The following PRKG1 variants were observed in gnomAD, a reference collection of about 807,000 sequenced individuals.
PRKG1 encodes the protein protein kinase cGMP-dependent 1.
PRKG1 carries 35 observed loss-of-function variants against 88.1 expected under a neutral mutation model. That is an observed-to-expected ratio of 0.40 (90% CI 0.30 to 0.53). PRKG1 has a LOEUF of 0.53. PRKG1 is among the 20% of genes least tolerant of loss of function. The pLI, the probability that PRKG1 is intolerant of heterozygous loss-of-function variation, is 0.59. For missense variants in PRKG1, 540 were observed against 839.8 expected (o/e 0.64, Z 4.41); for synonymous variants, 303 against 292.5 (o/e 1.04, Z -0.37).
At chr10:51,545,938 T>C (rs1275532493) in intron 3 of PRKG1, among the ~76,000 whole-genome samples, 1 of 150,682 alleles carries the variant, frequency 6.6e-6, no homozygotes, top group Non-Finnish European at 1.5e-5. Context: ...TTCTCTGAAC[T>C]AGCTTTAGCT....
intron 1 of PRKG1, among the ~76,000 whole-genome samples, chr10:51,130,328 T>C (rs1478249279): frequency 6.6e-6 from 1 of 152,168 alleles, no homozygotes; most frequent in Non-Finnish European, 1.5e-5. Flanking sequence ...GCAAGCAATC[T>C]GTCTCTCTGA....
chr10:51,095,904 C>A (rs2131872656), intron 1 of PRKG1, among the ~76,000 whole-genome samples: 2 of 152,188 alleles, frequency 1.3e-5, no homozygotes, highest in Non-Finnish European at 2.9e-5. Context: ...GGACTTTTGG[C>A]AGGCTAAAAG....
intron 3 of PRKG1, among the ~76,000 whole-genome samples, chr10:51,675,321 A>G (rs776162463): frequency 2.0e-5 from 3 of 152,220 alleles, no homozygotes; most frequent in Non-Finnish European, 4.4e-5. Flanking sequence ...CTGGCACAGC[A>G]GGAATGTGTG....
At chr10:51,003,435 C>T (rs539137297) in intron 1 of PRKG1, among the ~76,000 whole-genome samples, 1 of 152,298 alleles carries the variant, frequency 6.6e-6, no homozygotes, top group South Asian at 2.1e-4. Context: ...GCTGTGGAAT[C>T]TCTGGGCTTC....
chr10:51,993,101 A>G (rs1844353939), intron 5 of PRKG1, among the ~76,000 whole-genome samples: 1 of 152,222 alleles, frequency 6.6e-6, no homozygotes, highest in South Asian at 2.1e-4. Context: ...CTGTTATGAG[A>G]AAAAATGTTA....
intron 3 of PRKG1, among the ~76,000 whole-genome samples, chr10:51,768,020 T>G (rs111502252): frequency 6.8e-5 from 10 of 146,742 alleles, no homozygotes; most frequent in Non-Finnish European, 3.0e-5. Context: ...AAAAAAAAAA[T>G]AAATAAATAA....
chr10:52,015,902 G>A (rs1412223187), intron 5 of PRKG1, among the ~76,000 whole-genome samples: 1 of 152,174 alleles, frequency 6.6e-6, no homozygotes, highest in African/African-American at 2.4e-5. Flanking sequence ...TTATGCTTCA[G>A]TTCCCAATAA....
chr10:51,222,244 C>T (rs537324305), intron 2 of PRKG1, among the ~76,000 whole-genome samples: 2 of 151,684 alleles, frequency 1.3e-5, no homozygotes, highest in African/African-American at 4.8e-5. Context: ...GGAACTGTTC[C>T]TCCCACCTTC....
intron 3 of PRKG1, among the ~76,000 whole-genome samples, chr10:51,480,138 G>A (rs1203436792): frequency 1.3e-5 from 2 of 151,928 alleles, no homozygotes; most frequent in South Asian, 2.1e-4. Context: ...ATGGCATTTG[G>A]GTGAGCATAT....
At chr10:52,062,769 CATTTTT>C (rs1846268064) in intron 7 of PRKG1, 138 bp downstream of exon 7, 2 of 745,506 alleles carry the variant, frequency 2.7e-6, no homozygotes, top group Non-Finnish European at 4.9e-6. Context: ...ATGATAAATA[CATTTTT>C]ATTTATTTTC....
At chr10:51,974,670 C>T (rs12243731) in intron 5 of PRKG1, among the ~76,000 whole-genome samples, 32,159 of 152,078 alleles carry the variant, frequency 0.21, 3,998 homozygotes, top group Non-Finnish European at 0.28. Flanking sequence ...TTAATCCTAA[C>T]CATATTTTAA....
At chr10:51,329,338 A>G (rs1341359441) in intron 2 of PRKG1, among the ~76,000 whole-genome samples, 1 of 152,122 alleles carries the variant, frequency 6.6e-6, no homozygotes, top group African/African-American at 2.4e-5. Flanking sequence ...TTGCCCTTAT[A>G]TACTCTTGGT....
At chr10:51,762,260 G>A (rs970484187) in intron 3 of PRKG1, among the ~76,000 whole-genome samples, 7 of 152,088 alleles carry the variant, frequency 4.6e-5, no homozygotes, top group Admixed American at 2.6e-4. Context: ...CACCTACAAG[G>A]TCTGGGATTA....
intron 7 of PRKG1, among the ~76,000 whole-genome samples, chr10:52,113,360 A>G (rs563508723): frequency 6.6e-6 from 1 of 152,222 alleles, no homozygotes; most frequent in Non-Finnish European, 1.5e-5. Flanking sequence ...GACACAGTAA[A>G]TGGATGAATG....
intron 1 of PRKG1, among the ~76,000 whole-genome samples, chr10:51,085,608 GT>G (rs550755208): frequency 6.2e-5 from 9 of 146,268 alleles, no homozygotes; most frequent in East Asian, 4.0e-4. Context: ...TAAGAGTAGT[GT>G]TTTTTTTTTG....
chr10:51,367,818 A>G (rs1674246173), intron 2 of PRKG1, among the ~76,000 whole-genome samples: 1 of 151,958 alleles, frequency 6.6e-6, no homozygotes, highest in Non-Finnish European at 1.5e-5. Flanking sequence ...TCTTAATCAG[A>G]AAATGTATTC....
intron 3 of PRKG1, among the ~76,000 whole-genome samples, chr10:51,541,662 T>C (rs902381381): frequency 3.7e-4 from 56 of 152,202 alleles, no homozygotes; most frequent in African/African-American, 1.4e-3. Context: ...ATATTACTTA[T>C]ATTGATCACT....
chr10:51,639,157 G>A (rs1839730471), intron 3 of PRKG1, among the ~76,000 whole-genome samples: 1 of 151,872 alleles, frequency 6.6e-6, no homozygotes, highest in Non-Finnish European at 1.5e-5. Context: ...ATGAGAGGCT[G>A]GGCACGGTGG....
chr10:51,431,557 G>T (rs551972938), intron 2 of PRKG1, among the ~76,000 whole-genome samples: 1 of 152,296 alleles, frequency 6.6e-6, no homozygotes, highest in African/African-American at 2.4e-5. Context: ...GTGGGCTCTG[G>T]GTTGGTTAGT....
Sources: allele counts gnomAD v4.1 joint callset (sites outside exome capture counted in the v4.1 genomes callset), GRCh38; gene constraint gnomAD v4.1.1; transcripts MANE v1.5; gene names NCBI Gene and HGNC (gene_info 2026-07-23, HGNC 2026-07-21).